Variants in TMEM245 observed in about 807,000 individuals in gnomAD.
TMEM245 encodes the protein protein CG-2.
In TMEM245, 69 loss-of-function variants were observed where a neutral mutation model predicts 101.2. The observed-to-expected ratio is 0.68, with a 90% CI of 0.56 to 0.83. The LOEUF is 0.83. Among genes scored for constraint, TMEM245 ranks in the 40% least tolerant of loss-of-function variants. The pLI, the probability that TMEM245 is intolerant of heterozygous loss-of-function variation, is 0.00. For missense variants in TMEM245, 1,075 were observed against 1,092.8 expected (o/e 0.98, Z 0.23); for synonymous variants, 537 against 449.8 (o/e 1.19, Z -2.45).
chr9:109,119,825 C>T lies in TMEM245; in HGVS notation c.89G>A (p.Ser30Asn), dbSNP rs1019471090. The T allele has an allele frequency of 2.9e-6, 4 of 1,387,000 alleles. No homozygotes were observed. Among genetic ancestry groups the T allele is most frequent in the East Asian group, 3.1e-5 (1 of 32,734 alleles). The allele number at this position is 1,387,000 out of a possible 1,614,324, so 85.9% of individuals were successfully genotyped here. A position where few individuals can be genotyped will look rare whatever the true frequency, so the allele number is the denominator to read the frequency against. ...CCGCGGGGTCTCCCCGCCACCGCCA[C>T]TCGGCCCGACCGCGCGCGGGACCCG... ...APRVPRAVGP[S>N]GGGGETPRTA... The change falls in exon 1 of 18, where the codon AGT becomes AAT. Residue 30 changes from serine (S) to asparagine (N), a missense_variant. Physicochemically the swap from Ser to Asn is conservative, Grantham distance 46. Around this residue, in one of 2 missense-constraint regions of TMEM245, gnomAD observed 808 missense variants for 741.5 expected, o/e 1.09. Transcript: ENST00000374586.
intron 16 of TMEM245, among the ~76,000 whole-genome samples, chr9:109,034,997 A>T (rs899264136): frequency 6.6e-6 from 1 of 151,688 alleles, no homozygotes; most frequent in African/African-American, 2.4e-5. Context: ...TCTCTAGTAA[A>T]AATACAAAAA....
chr9:109,050,271 C>T lies in TMEM245; in HGVS notation c.2123+12G>A, dbSNP rs1564179598. The T allele has an allele frequency of 2.5e-6, 4 of 1,613,698 alleles. No individual in the cohort carries two copies. The highest frequency in any genetic ancestry group is 3.4e-6 in the Non-Finnish European group (4 of 1,179,910). Reference sequence around the variant, plus strand: ...CTGGGAGAAATAAGAATAGCATAAACCTTATCCCTACCTGATAGCTTCTTC... The same window carrying T: ...CTGGGAGAAATAAGAATAGCATAAATCTTATCCCTACCTGATAGCTTCTTC... On this transcript the variant is annotated intron_variant, in intron 14 of 17. Transcript: ENST00000374586.
intron 3 of TMEM245, among the ~76,000 whole-genome samples, chr9:109,097,624 C>T (rs561809268): frequency 3.9e-5 from 6 of 152,250 alleles, no homozygotes; most frequent in African/African-American, 1.2e-4. Context: ...TGAAATAATA[C>T]ATATAAAATG....
chr9:109,023,896 A>G (rs1458025532), intron 17 of TMEM245, among the ~76,000 whole-genome samples: 2 of 151,840 alleles, frequency 1.3e-5, no homozygotes, highest in Non-Finnish European at 2.9e-5. Context: ...CTGTGGTCAC[A>G]TGGGACTAGA....
chr9:109,068,231 G>A (rs149442211), intron 9 of TMEM245, among the ~76,000 whole-genome samples: 14 of 152,062 alleles, frequency 9.2e-5, no homozygotes, highest in African/African-American at 1.2e-4. Flanking sequence ...TTAGCCGGGC[G>A]TGGTGGCAGG....
At chr9:109,042,079 C>G (rs1245416539) in intron 14 of TMEM245, among the ~76,000 whole-genome samples, 1 of 152,058 alleles carries the variant, frequency 6.6e-6, no homozygotes. Flanking sequence ...ATTTTAGGTT[C>G]CAAAGAACCC....
At position 109,018,414 on chromosome 9, in the gene TMEM245, G is replaced by GTGAA. The variant is rs1395732371; in HGVS notation, c.*2042_*2045dup. 6.6e-6 allele frequency: 1 copy of GTGAA among 152,142 alleles called. No individual in the cohort carries two copies. The highest frequency in any genetic ancestry group is 1.5e-5 in the Non-Finnish European group (1 of 68,032). 9.4% of individuals were successfully genotyped at this position (152,142 alleles called of 1,614,324 possible). A position where few individuals can be genotyped will look rare whatever the true frequency, so the allele number is the denominator to read the frequency against. On this transcript the variant is annotated 3_prime_UTR_variant, in exon 18 of 18. Coordinates refer to ENST00000374586, the MANE Select transcript of TMEM245 (RefSeq NM_032012.4). Reference sequence around the variant, plus strand: ...TAGCCAACTCTCAACAAATGTTTTAGTGAATGAATGAATGATTGACTAAAG... The same window carrying GTGAA: ...TAGCCAACTCTCAACAAATGTTTTAGTGAATGAATGAATGAATGATTGACTAAAG...
At position 109,034,507 on chromosome 9, in the gene TMEM245, C is replaced by T. The variant is rs541997403; in HGVS notation, c.2400-1006G>A. Among the ~76,000 whole-genome samples the T allele has an allele frequency of 2.0e-5, 3 of 152,260 alleles. No individual in the cohort carries two copies. In the East Asian group the frequency reaches 5.8e-4, roughly 29 times the overall value. On this transcript the variant is annotated intron_variant, in intron 16 of 17. Coordinates refer to ENST00000374586, the MANE Select transcript of TMEM245 (RefSeq NM_032012.4). Reference sequence around the variant, plus strand: ...CATCACCCAGGCTGGAATGCAGTGCCGCAATCACAGCTTACTGCAGTCTTG... The same window carrying T: ...CATCACCCAGGCTGGAATGCAGTGCTGCAATCACAGCTTACTGCAGTCTTG...
chr9:109,036,980 C>T (rs1268026673), intron 15 of TMEM245, among the ~76,000 whole-genome samples: 1 of 152,138 alleles, frequency 6.6e-6, no homozygotes, highest in Non-Finnish European at 1.5e-5. Flanking sequence ...TCTACCATCC[C>T]GCCTCACAGG....
At chr9:109,046,220 C>A (rs748502268) in intron 14 of TMEM245, 19 of 534,328 alleles carry the variant, frequency 3.6e-5, no homozygotes, top group Non-Finnish European at 6.2e-5. Flanking sequence ...CGTGTGCATG[C>A]ACTCATGTGA....
chr9:109,073,861 T>TC (rs1194274564), intron 8 of TMEM245, among the ~76,000 whole-genome samples: 2 of 148,446 alleles, frequency 1.3e-5, no homozygotes, highest in Admixed American at 6.7e-5. Context: ...TTTTTGTTTT[T>TC]TTTTTTTTTT....
intron 12 of TMEM245, among the ~76,000 whole-genome samples, chr9:109,055,720 C>A (rs1588038378): frequency 6.6e-6 from 1 of 151,902 alleles, no homozygotes; most frequent in African/African-American, 2.4e-5. Flanking sequence ...CCGCACCCTC[C>A]GCCTCCCAGA....
intron 7 of TMEM245, among the ~76,000 whole-genome samples, chr9:109,082,336 CT>C (rs113424301): frequency 0.15 from 22,209 of 151,804 alleles, 1,846 homozygotes; most frequent in African/African-American, 0.2. Context: ...AATGCAGAGA[CT>C]TAAAAAAAAG....
At chr9:109,090,881 C>A (rs1479746965) in intron 5 of TMEM245, 41 bp downstream of exon 5, 1 of 1,560,472 alleles carries the variant, frequency 6.4e-7, no homozygotes, top group Non-Finnish European at 8.7e-7. Context: ...AAAAATCAAT[C>A]TTCAAAGACA....
rs1474959567 is a variant in TMEM245 at position 109,016,795 on chromosome 9, T to C, written c.*3665A>G. The C allele has an allele frequency of 6.6e-6, 1 of 152,016 alleles. No homozygotes were observed. Among genetic ancestry groups the C allele is most frequent in the East Asian group, 1.9e-4 (1 of 5,180 alleles). 9.4% of individuals were successfully genotyped at this position (152,016 alleles called of 1,614,324 possible). ...TTTAGCTGGAACTAGCATTTGGAAGTAATGCTAGCCAGAGGCTATTTCCAC... is the reference window on the plus strand; with the variant it reads ...TTTAGCTGGAACTAGCATTTGGAAGCAATGCTAGCCAGAGGCTATTTCCAC... On this transcript the variant is annotated 3_prime_UTR_variant, in exon 18 of 18. Coordinates refer to ENST00000374586, the MANE Select transcript of TMEM245 (RefSeq NM_032012.4).
At chr9:109,038,747 G>A (rs2132334557) in intron 14 of TMEM245, 1 of 152,332 alleles carries the variant, frequency 6.6e-6, no homozygotes, top group East Asian at 1.9e-4. Context: ...AATCAGAGAG[G>A]AAAATACAAG....
In TMEM245 at chr9:109,059,175, G is replaced by A. The variant is rs542328440; in HGVS notation, c.1722+1179C>T. 7.9e-5 allele frequency among the ~76,000 whole-genome samples: 12 copies of A among 152,200 alleles called. No individual in the cohort carries two copies. The East Asian group carries it at 2.3e-3, about 29-fold the overall frequency. On this transcript the variant is annotated intron_variant, in intron 11 of 17. Coordinates refer to ENST00000374586, the MANE Select transcript of TMEM245 (RefSeq NM_032012.4). Reference sequence around the variant, plus strand: ...AATTATCTGGTTTTTCAGCAGATGGGATCAAATCTATGATACTCACCTAGA... The same window carrying A: ...AATTATCTGGTTTTTCAGCAGATGGAATCAAATCTATGATACTCACCTAGA...
rs1404106465 is a variant in TMEM245, at chr9:109,086,029, T to C, written c.1321-9A>G. The C allele has an allele frequency of 1.9e-6, 3 of 1,613,792 alleles. No individual in the cohort carries two copies. Among genetic ancestry groups the C allele is most frequent in the Non-Finnish European group, 2.5e-6 (3 of 1,179,826 alleles). On this transcript the variant is annotated splice_polypyrimidine_tract_variant and intron_variant, in intron 6 of 17. Coordinates refer to ENST00000374586, the MANE Select transcript of TMEM245 (RefSeq NM_032012.4). ...TTTAGCCAGTGCCAGAGCTTGAGGA[T>C]AGGGGGTAAGGTGAGAAAGAGAAGA... is the stretch of plus-strand genomic sequence containing the variant.
rs764500214 is a variant in TMEM245 at position 109,093,551 on chromosome 9, A to G, written c.840T>C (p.Ser280=). The G allele has an allele frequency of 3.1e-6, 5 of 1,614,172 alleles. No homozygotes were observed. The highest frequency in any genetic ancestry group is 4.2e-6 in the Non-Finnish European group (5 of 1,180,018). Residue 280 remains serine (S), a synonymous_variant, in exon 4 of 18, where the codon TCT becomes TCC. Transcript: ENST00000374586. ...LPGQVISMAA[S]TLANLAISIT... ...TAGAGATGGCCAAGTTTGCCAGAGTAGAAGCTGCCATGGAGATAACCTGCC... is the reference window on the plus strand; with the variant it reads ...TAGAGATGGCCAAGTTTGCCAGAGTGGAAGCTGCCATGGAGATAACCTGCC...
Sources: allele counts gnomAD v4.1 joint callset (sites outside exome capture counted in the v4.1 genomes callset), GRCh38; gene constraint gnomAD v4.1.1; regional missense constraint gnomAD v4.1.1; transcripts MANE v1.5; gene names NCBI Gene and HGNC (gene_info 2026-07-23, HGNC 2026-07-21).